Variants in PCED1B observed in about 807,000 individuals in gnomAD.
The protein encoded by PCED1B is PC-esterase domain-containing protein 1B.
For synonymous variants in PCED1B, 251 were observed against 246.1 expected, an observed-to-expected ratio of 1.02 and a Z score of -0.19; for missense variants, 573 against 573.9, an observed-to-expected ratio of 1.00 and a Z score of 0.02.
chr12:47,094,731 C>T (rs549082933), intron 1 of PCED1B, among the ~76,000 whole-genome samples: 3 of 152,130 alleles, frequency 2.0e-5, no homozygotes, highest in South Asian at 4.2e-4. Flanking sequence ...TTTTGCCACA[C>T]ATCTTAGTTC....
At chr12:47,224,026 A>T (rs1943562691) in intron 3 of PCED1B, 1 of 152,228 alleles carries the variant, frequency 6.6e-6, no homozygotes, top group Non-Finnish European at 1.5e-5. Context: ...TGAAAGCCAG[A>T]TCACCACCTT....
chr12:47,172,340 C>CTTTTTTTTTTTT (rs34230051), intron 2 of PCED1B, among the ~76,000 whole-genome samples: 51 of 78,266 alleles, frequency 6.5e-4, no homozygotes, highest in East Asian at 8.3e-4. Context: ...TCGTGGGTTG[C>CTTTTTTTTTTTT]TTTTTTTTTT....
chr12:47,148,786 C>G (rs1940884919), intron 2 of PCED1B, among the ~76,000 whole-genome samples: 1 of 152,240 alleles, frequency 6.6e-6, no homozygotes, highest in Admixed American at 6.5e-5. Context: ...TGTGACTACT[C>G]TATCCTCCAG....
intron 2 of PCED1B, among the ~76,000 whole-genome samples, chr12:47,119,704 C>A (rs1359045462): frequency 2.0e-5 from 3 of 152,072 alleles, no homozygotes; most frequent in African/African-American, 7.2e-5. Context: ...TTAGGCCGGG[C>A]GTGGTGGCTC....
chr12:47,166,688 G>A (rs1941554786), intron 2 of PCED1B, among the ~76,000 whole-genome samples: 1 of 152,000 alleles, frequency 6.6e-6, no homozygotes, highest in South Asian at 2.1e-4. Context: ...CTACAAACAA[G>A]TAACTAATCA....
At chr12:47,082,886 A>T (rs1202545789) in intron 1 of PCED1B, among the ~76,000 whole-genome samples, 1 of 151,790 alleles carries the variant, frequency 6.6e-6, no homozygotes, top group Non-Finnish European at 1.5e-5. Flanking sequence ...AGGATGCGAT[A>T]GATATTCCTC....
chr12:47,208,433 A>C (rs1942975896), intron 2 of PCED1B: 1 of 151,856 alleles, frequency 6.6e-6, no homozygotes, highest in Non-Finnish European at 1.5e-5. Context: ...ACGGAGTCTC[A>C]CTCTGTCACT....
chr12:47,214,576 G>A (rs926626947), intron 2 of PCED1B, among the ~76,000 whole-genome samples: 8 of 152,198 alleles, frequency 5.3e-5, no homozygotes, highest in African/African-American at 1.9e-4. Flanking sequence ...GGGAAGCTGA[G>A]GTGGGAGGAT....
At chr12:47,095,222 T>C (rs372887236) in intron 1 of PCED1B, among the ~76,000 whole-genome samples, 50 of 152,250 alleles carry the variant, frequency 3.3e-4, no homozygotes, top group African/African-American at 1.1e-3. Flanking sequence ...CAAGATATAA[T>C]TCTAGTCTGG....
At chr12:47,217,783 G>A (rs1391263518) in intron 3 of PCED1B, among the ~76,000 whole-genome samples, 3 of 152,106 alleles carry the variant, frequency 2.0e-5, no homozygotes, top group Non-Finnish European at 4.4e-5. Flanking sequence ...CACCATGTTG[G>A]CCAGGCTGAT....
At chr12:47,166,324 A>G (rs1019938273) in intron 2 of PCED1B, among the ~76,000 whole-genome samples, 1 of 152,032 alleles carries the variant, frequency 6.6e-6, no homozygotes, top group Non-Finnish European at 1.5e-5. Flanking sequence ...TCACTCCCTC[A>G]TTCTCCCTTT....
intron 2 of PCED1B, among the ~76,000 whole-genome samples, chr12:47,120,050 G>A (rs1053416611): frequency 6.6e-6 from 1 of 151,906 alleles, no homozygotes; most frequent in Non-Finnish European, 1.5e-5. Flanking sequence ...TTTCTCCAAG[G>A]AAGATACACA....
intron 2 of PCED1B, among the ~76,000 whole-genome samples, chr12:47,155,352 GT>G (rs1174307193): frequency 6.6e-6 from 1 of 152,198 alleles, no homozygotes; most frequent in East Asian, 1.9e-4. Flanking sequence ...CACATTGTAT[GT>G]TGTGAGAGAC....
Position 47,135,949 on chromosome 12 carries a change from C to CAA in PCED1B, c.-526+31766_-526+31767dup, listed in dbSNP as rs34127875. 2.5e-3 allele frequency: 361 copies of CAA among 146,382 alleles called. 1 individual carries two copies. Among genetic ancestry groups the CAA allele is most frequent in the South Asian group, 5.8e-3 (30 of 5,206 alleles). The allele number at this position is 146,382 out of a possible 1,614,324, so 9.1% of individuals were successfully genotyped here. A position where few individuals can be genotyped will look rare whatever the true frequency, so the allele number is the denominator to read the frequency against. The stretch of plus-strand genomic sequence containing the variant: ...TGGTTGGGTTGCTGGGATGGTTCTC[C>CAA]AAAAAAAAAAAAAGATTTTTATAGA... On this transcript the variant is annotated intron_variant, in intron 2 of 3. Transcript: ENST00000546455.
intron 2 of PCED1B, among the ~76,000 whole-genome samples, chr12:47,114,606 A>T (rs1393936685): frequency 3.3e-5 from 5 of 152,154 alleles, no homozygotes. Context: ...CTGCCTCCCC[A>T]CTACTTCTGC....
intron 2 of PCED1B, among the ~76,000 whole-genome samples, chr12:47,198,595 A>AC (rs1196129422): frequency 2.0e-5 from 3 of 152,144 alleles, no homozygotes; most frequent in South Asian, 2.1e-4. Context: ...AAACAAACAA[A>AC]AAAAAAAGCA....
chr12:47,098,988 G>A (rs772666868), intron 1 of PCED1B, among the ~76,000 whole-genome samples: 2 of 152,080 alleles, frequency 1.3e-5, no homozygotes, highest in South Asian at 4.2e-4. Context: ...GTTAACTCCT[G>A]TTTTTAATTT....
intron 3 of PCED1B, among the ~76,000 whole-genome samples, chr12:47,222,356 A>G (rs1398027884): frequency 7.1e-6 from 1 of 140,952 alleles, no homozygotes; most frequent in Non-Finnish European, 1.5e-5. Flanking sequence ...TGGGAGGCAG[A>G]TGTTGCGGTG....
At chr12:47,135,841 C>G in intron 2 of PCED1B, 1 of 465,198 alleles carries the variant, frequency 2.1e-6, no homozygotes, top group Non-Finnish European at 4.3e-6. Flanking sequence ...TTGAGCATCT[C>G]ATGGTTGGTG....
Sources: allele counts gnomAD v4.1 joint callset (sites outside exome capture counted in the v4.1 genomes callset), GRCh38; gene constraint gnomAD v4.1.1; transcripts MANE v1.5; gene names NCBI Gene and HGNC (gene_info 2026-07-23, HGNC 2026-07-21).